Variants in TCEA3 observed in about 807,000 individuals in gnomAD.
The protein encoded by TCEA3 is transcription elongation factor A protein 3.
In TCEA3, 36 loss-of-function variants were observed where a neutral mutation model predicts 44.0. The ratio of observed to expected loss-of-function variants is 0.82; its 90% confidence interval spans 0.63 to 1.08. The LOEUF (loss-of-function observed/expected upper bound fraction) is 1.08. Among genes scored for constraint, TCEA3 ranks in the 50% least tolerant of loss-of-function variants. The pLI, the probability that TCEA3 is intolerant of heterozygous loss-of-function variation, is 0.00. For synonymous variants in TCEA3, 162 were observed against 159.7 expected, an observed-to-expected ratio of 1.01 and a Z score of -0.11; for missense variants, 392 against 441.2, an observed-to-expected ratio of 0.89 and a Z score of 1.00.
intron 7 of TCEA3, among the ~76,000 whole-genome samples, chr1:23,396,979 T>G (rs1181257060): frequency 1.6e-5 from 2 of 124,458 alleles, no homozygotes; most frequent in African/African-American, 6.3e-5. Flanking sequence ...CACTCCAGCC[T>G]GGGCAACAGG....
At chr1:23,416,075 TGGCTCACTGCAA>T (rs1639881007) in intron 4 of TCEA3, among the ~76,000 whole-genome samples, 1 of 150,790 alleles carries the variant, frequency 6.6e-6, no homozygotes, top group African/African-American at 2.5e-5. Flanking sequence ...GGTGCAATCT[TGGCTCACTGCAA>T]CCTCCGACTT....
chr1:23,400,641 A>G (rs1639371713), intron 5 of TCEA3, among the ~76,000 whole-genome samples: 1 of 152,024 alleles, frequency 6.6e-6, no homozygotes, highest in Non-Finnish European at 1.5e-5. Context: ...TCAATAACCC[A>G]TCAGAATCTG....
intron 5 of TCEA3, among the ~76,000 whole-genome samples, chr1:23,402,062 C>T (rs899548670): frequency 4.6e-5 from 7 of 152,130 alleles, no homozygotes; most frequent in Admixed American, 3.9e-4. Context: ...AACTCCTGGC[C>T]GGGTGCAGTG....
chr1:23,413,923 A>G (rs1639808830), intron 4 of TCEA3, among the ~76,000 whole-genome samples: 1 of 150,552 alleles, frequency 6.6e-6, no homozygotes, highest in Admixed American at 6.6e-5. Flanking sequence ...CAATTTTATT[A>G]AAACAAATAG....
intron 7 of TCEA3, 97 bp from the exon 8 acceptor site, chr1:23,394,130 C>G (rs572505207): frequency 2.1e-6 from 3 of 1,421,632 alleles, no homozygotes; most frequent in Non-Finnish European, 2.8e-6. Context: ...CTTTCTTCCT[C>G]TCCTCGGACT....
At chr1:23,396,218 A>G (rs2148557241) in intron 7 of TCEA3, among the ~76,000 whole-genome samples, 1 of 152,178 alleles carries the variant, frequency 6.6e-6, no homozygotes, top group South Asian at 2.1e-4. Flanking sequence ...TCCTCAACAG[A>G]CCCTGCTGAA....
chr1:23,424,499 C>G, intron 1 of TCEA3, 66 bp downstream of exon 1: 1 of 1,485,032 alleles, frequency 6.7e-7, no homozygotes, highest in East Asian at 2.3e-5. Context: ...CGTCCCCACC[C>G]CGGAATCCGG....
chr1:23,412,390 A>T (rs919512596), intron 4 of TCEA3, among the ~76,000 whole-genome samples: 13 of 140,722 alleles, frequency 9.2e-5, no homozygotes, highest in Admixed American at 2.2e-4. Context: ...ACATGGTGAG[A>T]CTCTGTCTCA....
At chr1:23,406,979 T>C (rs965098782) in intron 5 of TCEA3, among the ~76,000 whole-genome samples, 1 of 152,216 alleles carries the variant, frequency 6.6e-6, no homozygotes, top group Non-Finnish European at 1.5e-5. Flanking sequence ...TAGCCTCATA[T>C]AATCCAACTG....
intron 5 of TCEA3, among the ~76,000 whole-genome samples, chr1:23,399,877 T>C (rs1273819719): frequency 6.6e-6 from 1 of 152,194 alleles, no homozygotes; most frequent in Non-Finnish European, 1.5e-5. Context: ...GGTTTTGCCA[T>C]GTTGGCCAGG....
chr1:23,407,579 A>G (rs1221489988), intron 5 of TCEA3, among the ~76,000 whole-genome samples: 1 of 151,828 alleles, frequency 6.6e-6, no homozygotes, highest in African/African-American at 2.4e-5. Flanking sequence ...CCCTCTTTCA[A>G]GCTTTTGCCT....
Position 23,399,142 on chromosome 1 carries a change from A to G in TCEA3, c.444-1187T>C, listed in dbSNP as rs920023071. 1.1e-3 allele frequency among the ~76,000 whole-genome samples: 80 copies of G among 72,044 alleles called. 1 individual carries two copies. The highest frequency in any genetic ancestry group is 5.8e-3 in the African/African-American group (77 of 13,310). 47.3% of individuals were successfully genotyped at this position (72,044 alleles called of 152,430 possible). ...AGGTTTTGTTTATATATATGTATAT[A>G]TGTATATATATATATATATATATAT... On this transcript the variant is annotated intron_variant, in intron 5 of 10. Coordinates refer to ENST00000450454, the MANE Select transcript of TCEA3 (RefSeq NM_003196.3).
At chr1:23,396,316 G>A (rs950627722) in intron 7 of TCEA3, among the ~76,000 whole-genome samples, 30 of 151,994 alleles carry the variant, frequency 2.0e-4, no homozygotes, top group African/African-American at 5.8e-4. Context: ...CTGTCTCCCC[G>A]CTCCAATACC....
intron 8 of TCEA3, among the ~76,000 whole-genome samples, chr1:23,392,773 C>A (rs1054109247): frequency 2.0e-5 from 3 of 150,170 alleles, no homozygotes; most frequent in African/African-American, 4.9e-5. Context: ...ACACACACAC[C>A]CACTCCACAC....
chr1:23,416,896 T>G (rs2148582193), intron 4 of TCEA3, among the ~76,000 whole-genome samples: 2 of 152,340 alleles, frequency 1.3e-5, no homozygotes, highest in East Asian at 3.9e-4. Flanking sequence ...GCTGTGGTCT[T>G]GTTTCCCCGC....
chr1:23,416,427 T>C (rs1249443202), intron 4 of TCEA3, among the ~76,000 whole-genome samples: 1 of 152,230 alleles, frequency 6.6e-6, no homozygotes, highest in Non-Finnish European at 1.5e-5. Flanking sequence ...ACAATTCAGA[T>C]TTAAAATTTT....
chr1:23,398,884 T>C (rs1044216463), intron 5 of TCEA3, among the ~76,000 whole-genome samples: 5 of 151,734 alleles, frequency 3.3e-5, no homozygotes, highest in African/African-American at 1.2e-4. Flanking sequence ...CCTCCCACCT[T>C]AGCCTCCAAG....
intron 1 of TCEA3, among the ~76,000 whole-genome samples, chr1:23,423,198 A>G (rs1313517429): frequency 2.6e-5 from 4 of 152,192 alleles, no homozygotes; most frequent in Non-Finnish European, 5.9e-5. Flanking sequence ...AGCACTCTGC[A>G]GGTTTGTGCT....
At chr1:23,414,395 CTTTTG>C (rs1173537635) in intron 4 of TCEA3, among the ~76,000 whole-genome samples, 2 of 150,082 alleles carry the variant, frequency 1.3e-5, no homozygotes, top group African/African-American at 2.5e-5. Flanking sequence ...TGGCCCTTAT[CTTTTG>C]TTTTGTTTTG....
Sources: gnomAD v4.1 joint callset for allele counts (sites outside exome capture counted in the v4.1 genomes callset) on GRCh38, gnomAD v4.1.1 for gene constraint, MANE v1.5 for transcripts, NCBI Gene and HGNC (gene_info 2026-07-23, HGNC 2026-07-21) for gene names.